Variants in SLC24A3 observed in about 807,000 individuals in gnomAD.
The protein encoded by SLC24A3 is sodium/potassium/calcium exchanger 3.
In SLC24A3, 28 loss-of-function variants were observed where a neutral mutation model predicts 75.8. That is an observed-to-expected ratio of 0.37 (90% CI 0.27 to 0.51). The LOEUF is 0.51. SLC24A3 is among the 20% of genes least tolerant of loss of function. SLC24A3 has a pLI of 0.94. For missense variants in SLC24A3, 663 were observed against 847.8 expected (o/e 0.78, Z 2.71); for synonymous variants, 372 against 334.1 (o/e 1.11, Z -1.24).
At chr20:19,517,284 T>C (rs1212022891) in intron 3 of SLC24A3, among the ~76,000 whole-genome samples, 1 of 152,136 alleles carries the variant, frequency 6.6e-6, no homozygotes, top group African/African-American at 2.4e-5. Context: ...ATATGAGATT[T>C]CCACTCTGGA....
intron 2 of SLC24A3, among the ~76,000 whole-genome samples, chr20:19,289,895 C>T (rs1983898384): frequency 6.6e-6 from 1 of 152,180 alleles, no homozygotes; most frequent in Admixed American, 6.5e-5. Context: ...GGGCTCCCTG[C>T]TAGTTGGCAC....
At chr20:19,588,488 A>T (rs2031330110) in intron 6 of SLC24A3, among the ~76,000 whole-genome samples, 2 of 152,336 alleles carry the variant, frequency 1.3e-5, no homozygotes, top group Non-Finnish European at 2.9e-5. Context: ...GTGTAATTAA[A>T]TGTCTGCTGT....
chr20:19,410,810 T>C (rs1332653927), intron 2 of SLC24A3, among the ~76,000 whole-genome samples: 3 of 152,206 alleles, frequency 2.0e-5, no homozygotes, highest in African/African-American at 7.2e-5. Context: ...ATTCATTCGT[T>C]TTCTCTACAA....
intron 3 of SLC24A3, among the ~76,000 whole-genome samples, chr20:19,564,834 A>G (rs1473159604): frequency 6.6e-6 from 1 of 152,210 alleles, no homozygotes; most frequent in African/African-American, 2.4e-5. Flanking sequence ...TTATGTAGGT[A>G]TCAATTCTTC....
At chr20:19,412,462 T>G (rs1600470810) in intron 2 of SLC24A3, among the ~76,000 whole-genome samples, 3 of 146,598 alleles carry the variant, frequency 2.0e-5, no homozygotes, top group Non-Finnish European at 3.0e-5. Flanking sequence ...AGAGGAAGAG[T>G]AAATAAGGAG....
At chr20:19,430,416 G>C (rs1219341323) in intron 2 of SLC24A3, among the ~76,000 whole-genome samples, 1 of 152,084 alleles carries the variant, frequency 6.6e-6, no homozygotes, top group Admixed American at 6.5e-5. Context: ...AGGGAAGTTG[G>C]GTGAGGAAGA....
At chr20:19,618,210 T>C (rs1174824648) in intron 6 of SLC24A3, among the ~76,000 whole-genome samples, 5 of 152,278 alleles carry the variant, frequency 3.3e-5, no homozygotes, top group Non-Finnish European at 5.9e-5. Flanking sequence ...TACATCCAGG[T>C]TCCAACTTCA....
In SLC24A3 at chr20:19,654,111, C is replaced by G; in HGVS notation, c.662C>G (p.Thr221Arg). The G allele has an allele frequency of 6.2e-7, 1 of 1,613,774 alleles. No individual in the cohort carries two copies. The highest frequency in any genetic ancestry group is 2.2e-5 in the East Asian group (1 of 44,862). The change falls in exon 7 of 17, where the codon ACG becomes AGG. Residue 221 changes from threonine (T) to arginine (R), a missense_variant. By Grantham distance (71) the Thr-to-Arg change is moderately conservative. Around this residue, in one of 2 missense-constraint regions of SLC24A3, gnomAD observed 510 missense variants for 703.6 expected, o/e 0.72. Transcript: ENST00000328041. ...WCLLRDSIYY[T>R]LSVIALIVFI... ...CTGCTGAGGGATTCTATTTACTACACGCTGTCTGTGATCGCGCTCATCGTG... is the reference window on the plus strand; with the variant it reads ...CTGCTGAGGGATTCTATTTACTACAGGCTGTCTGTGATCGCGCTCATCGTG...
intron 6 of SLC24A3, among the ~76,000 whole-genome samples, chr20:19,614,405 T>A (rs1442472972): frequency 1.3e-5 from 2 of 152,240 alleles, no homozygotes; most frequent in Admixed American, 6.5e-5. Flanking sequence ...ATCTTTCTCC[T>A]AGAATGTGCT....
intron 6 of SLC24A3, among the ~76,000 whole-genome samples, chr20:19,604,996 C>A (rs2031577175): frequency 6.6e-6 from 1 of 152,202 alleles, no homozygotes; most frequent in African/African-American, 2.4e-5. Context: ...TTAGCATTTG[C>A]CACCCTCTCT....
chr20:19,614,572 T>C (rs1237552376), intron 6 of SLC24A3, among the ~76,000 whole-genome samples: 1 of 152,160 alleles, frequency 6.6e-6, no homozygotes, highest in Non-Finnish European at 1.5e-5. Context: ...ACTTAGCACA[T>C]GTTATTCTGG....
chr20:19,250,382 T>G (rs1463225373), intron 1 of SLC24A3, among the ~76,000 whole-genome samples: 4 of 152,226 alleles, frequency 2.6e-5, no homozygotes, highest in Non-Finnish European at 5.9e-5. Flanking sequence ...GGGCAGTCCC[T>G]TTTTAAACAG....
At chr20:19,393,526 C>T (rs983488090) in intron 2 of SLC24A3, among the ~76,000 whole-genome samples, 1 of 152,084 alleles carries the variant, frequency 6.6e-6, no homozygotes, top group Non-Finnish European at 1.5e-5. Flanking sequence ...ACAGGATCAA[C>T]ATACAAAAAT....
At chr20:19,349,092 A>G (rs1985505061) in intron 2 of SLC24A3, among the ~76,000 whole-genome samples, 1 of 152,110 alleles carries the variant, frequency 6.6e-6, no homozygotes. Context: ...CATAATTACC[A>G]AGCAATACAT....
At chr20:19,549,784 A>AAAAAC (rs1371450601) in intron 3 of SLC24A3, among the ~76,000 whole-genome samples, 3 of 152,212 alleles carry the variant, frequency 2.0e-5, no homozygotes, top group African/African-American at 4.8e-5. Context: ...ACTTTGTCTC[A>AAAAAC]AAAACAAAAC....
intron 2 of SLC24A3, among the ~76,000 whole-genome samples, chr20:19,360,243 A>G (rs1985762165): frequency 6.6e-6 from 1 of 152,246 alleles, no homozygotes; most frequent in South Asian, 2.1e-4. Flanking sequence ...AGGTCTTAAC[A>G]TCTCAACATG....
chr20:19,614,119 T>A (rs750062216), intron 6 of SLC24A3, among the ~76,000 whole-genome samples: 22 of 152,202 alleles, frequency 1.4e-4, no homozygotes, highest in Non-Finnish European at 3.1e-4. Flanking sequence ...GAGATTGCAA[T>A]TGAGAGTGTG....
chr20:19,613,713 G>T (rs1014269620), intron 6 of SLC24A3, among the ~76,000 whole-genome samples: 1 of 152,178 alleles, frequency 6.6e-6, no homozygotes, highest in African/African-American at 2.4e-5. Context: ...AGACCTGGAG[G>T]ATATTATTCT....
chr20:19,582,720 G>A (rs1297899891), intron 4 of SLC24A3, among the ~76,000 whole-genome samples: 1 of 152,180 alleles, frequency 6.6e-6, no homozygotes, highest in Non-Finnish European at 1.5e-5. Flanking sequence ...CCAGAGTTTA[G>A]AGAAATCCTA....
Sources: allele counts gnomAD v4.1 joint callset (sites outside exome capture counted in the v4.1 genomes callset), GRCh38; gene constraint gnomAD v4.1.1; regional missense constraint gnomAD v4.1.1; transcripts MANE v1.5; gene names NCBI Gene and HGNC (gene_info 2026-07-23, HGNC 2026-07-21).